TDRD9: variants seen among roughly 807,000 people sequenced by gnomAD.
The protein encoded by TDRD9 is ATP-dependent RNA helicase TDRD9.
TDRD9 carries 124 observed loss-of-function variants against 172.6 expected under a neutral mutation model. The ratio of observed to expected loss-of-function variants is 0.72; its 90% CI spans 0.62 to 0.83. The LOEUF (loss-of-function observed/expected upper bound fraction) is 0.83, where lower values mean the gene tolerates loss of function less well. Ranked by LOEUF, TDRD9 falls within the 40% of genes least tolerant of loss-of-function variation. The pLI is 0.00. For synonymous variants in TDRD9, 619 were observed against 617.1 expected (o/e 1.00, Z -0.05); for missense variants, 1,479 against 1,714.1 (o/e 0.86, Z 2.42).
chr14:103,969,515 AC>A (rs779470286), intron 5 of TDRD9, among the ~76,000 whole-genome samples: 41 of 152,314 alleles, frequency 2.7e-4, no homozygotes, highest in Admixed American at 1.0e-3. Context: ...CCTTTTAGCT[AC>A]TGATTTTTGT....
intron 9 of TDRD9, among the ~76,000 whole-genome samples, chr14:103,992,706 G>C (rs1278720608): frequency 6.6e-6 from 1 of 151,984 alleles, no homozygotes; most frequent in East Asian, 1.9e-4. Context: ...GGTGGATCAC[G>C]AGGTCAGGAG....
chr14:104,047,014 T>C (rs960877588), intron 34 of TDRD9, among the ~76,000 whole-genome samples: 3 of 152,236 alleles, frequency 2.0e-5, no homozygotes, highest in Admixed American at 6.5e-5. Flanking sequence ...TTGGATCAGC[T>C]TGTCAGTTTG....
intron 8 of TDRD9, among the ~76,000 whole-genome samples, chr14:103,987,154 A>T (rs2033699656): frequency 6.6e-6 from 1 of 151,670 alleles, no homozygotes; most frequent in Admixed American, 6.6e-5. Flanking sequence ...ACACACACAC[A>T]CACACACACC....
chr14:104,045,768 G>A (rs2035755320), intron 34 of TDRD9, among the ~76,000 whole-genome samples: 1 of 152,178 alleles, frequency 6.6e-6, no homozygotes, highest in Non-Finnish European at 1.5e-5. Flanking sequence ...CTGCCCCGGT[G>A]CCTCTTCCTG....
At position 104,031,236 on chromosome 14, in the gene TDRD9, C is replaced by G; in HGVS notation, c.3411C>G (p.Thr1137=). 1 of 1,551,664 alleles carries G rather than the reference C, an allele frequency of 6.4e-7. No homozygotes were observed. The highest frequency in any genetic ancestry group is 8.7e-7 in the Non-Finnish European group (1 of 1,146,910). Residue 1137 remains threonine, a synonymous_variant, in exon 29 of 36, where the codon ACC becomes ACG. Coordinates refer to ENST00000409874, the MANE Select transcript of TDRD9 (RefSeq NM_153046.3). ...GGATTTTGTTAGAGAGCTTTTCTACCAATAAACTGGGTACTCCAAACTGTA... is the reference window on the plus strand; with the variant it reads ...GGATTTTGTTAGAGAGCTTTTCTACGAATAAACTGGGTACTCCAAACTGTA... ...LIRILLESFS[T]NKLGTPNCKA...
intron 8 of TDRD9, among the ~76,000 whole-genome samples, chr14:103,987,176 C>G (rs745679933): frequency 1.3e-5 from 2 of 150,880 alleles, no homozygotes; most frequent in Admixed American, 1.3e-4. Flanking sequence ...TATGATTGAG[C>G]CTTTACAGCA....
Position 103,963,182 on chromosome 14 carries a change from A to G in TDRD9, c.420+6A>G. 1 of 1,538,976 alleles carries G rather than the reference A, an allele frequency of 6.5e-7. No individual in the cohort carries two copies. Among genetic ancestry groups the G allele is most frequent in the Non-Finnish European group, 8.8e-7 (1 of 1,139,222 alleles). Reference sequence around the variant, plus strand: ...TAAGTCGATACAAGGAAGAGGTAAAATTGTTTTGTTATACTGTAATTTTGC... The same window carrying G: ...TAAGTCGATACAAGGAAGAGGTAAAGTTGTTTTGTTATACTGTAATTTTGC... On this transcript the variant is annotated splice_donor_region_variant and intron_variant, in intron 3 of 35. Transcript: ENST00000409874.
chr14:104,045,916 C>T (rs1946467095), intron 34 of TDRD9, among the ~76,000 whole-genome samples: 1 of 152,206 alleles, frequency 6.6e-6, no homozygotes, highest in South Asian at 2.1e-4. Flanking sequence ...GTGACCCACT[C>T]TCTGGTCTTC....
intron 22 of TDRD9, among the ~76,000 whole-genome samples, chr14:104,016,660 A>G (rs1339765075): frequency 1.3e-5 from 2 of 152,210 alleles, no homozygotes; most frequent in Non-Finnish European, 2.9e-5. Context: ...TGACCATTGA[A>G]TCAGCGTTTG....
At chr14:104,037,996 C>A (rs971765731) in intron 32 of TDRD9, among the ~76,000 whole-genome samples, 1 of 152,212 alleles carries the variant, frequency 6.6e-6, no homozygotes. Context: ...GAGCCTGGCA[C>A]CTCCAGGATG....
chr14:104,036,547 C>G (rs1446397811), intron 32 of TDRD9, among the ~76,000 whole-genome samples: 2 of 152,086 alleles, frequency 1.3e-5, no homozygotes, highest in Non-Finnish European at 2.9e-5. Context: ...CTTTGGACGC[C>G]CTGCTTGCCT....
intron 34 of TDRD9, among the ~76,000 whole-genome samples, chr14:104,045,996 G>A (rs982457319): frequency 2.6e-5 from 4 of 152,246 alleles, no homozygotes; most frequent in South Asian, 2.1e-4. Context: ...TTGCTCTGTC[G>A]CCCAGGCTGG....
In TDRD9 at chr14:104,011,048, A is replaced by G. The variant is rs560543502; in HGVS notation, c.2106+2582A>G. Among the ~76,000 whole-genome samples the G allele has an allele frequency of 2.6e-5, 4 of 152,330 alleles. No homozygotes were observed. In the South Asian group the frequency reaches 8.3e-4, roughly 32 times the overall value. On this transcript the variant is annotated intron_variant, in intron 20 of 35. Coordinates refer to ENST00000409874, the MANE Select transcript of TDRD9 (RefSeq NM_153046.3). ...GACACGTGAGTAAACGTGTTGCCCT[A>G]CAACAGCTATGACGTGACCAGGCAA...
rs1345722577 is a variant in TDRD9 at position 103,948,387 on chromosome 14, G to C, written c.216-7277G>C. ...GGAGAAATTGGAACCCCTGTGTACT[G>C]TTGGTGAGAATGTAAAATGGTGGGG... On this transcript the variant is annotated intron_variant, in intron 1 of 35. Transcript: ENST00000409874. Among the ~76,000 whole-genome samples the C allele has an allele frequency of 5.9e-5, 9 of 152,250 alleles. No individual in the cohort carries two copies. In the East Asian group the frequency reaches 1.7e-3, roughly 29 times the overall value.
At chr14:103,929,109 G>C (rs747611452) in intron 1 of TDRD9, among the ~76,000 whole-genome samples, 27 of 151,946 alleles carry the variant, frequency 1.8e-4, no homozygotes, top group Non-Finnish European at 3.2e-4. Flanking sequence ...GCATCGCTGC[G>C]TCTTCGTCAC....
At chr14:103,955,607 C>A (rs74369471) in intron 1 of TDRD9, 57 bp from the exon 2 acceptor site, 36,111 of 1,378,496 alleles carry the variant, frequency 0.026, 619 homozygotes, top group East Asian at 0.062. Context: ...TTGTCTAGTA[C>A]ACAAGGGTTT....
In TDRD9 at chr14:103,997,046, C is replaced by T. The variant is rs552239588; in HGVS notation, c.1378+1239C>T. Reference sequence around the variant, plus strand: ...AAGGGGAAACGAGCCAGAAGAGAGGCCTGGGGGTAGCAGGGGCCATGCAGG... The same window carrying T: ...AAGGGGAAACGAGCCAGAAGAGAGGTCTGGGGGTAGCAGGGGCCATGCAGG... On this transcript the variant is annotated intron_variant, in intron 12 of 35. Coordinates refer to ENST00000409874, the MANE Select transcript of TDRD9 (RefSeq NM_153046.3). The surrounding 1 kb of genome is among the most constrained non-coding windows in gnomAD (Gnocchi z 5.1). Among the ~76,000 whole-genome samples the T allele has an allele frequency of 6.6e-6, 1 of 152,290 alleles. No individual in the cohort carries two copies. The highest frequency in any genetic ancestry group is 2.1e-4 in the South Asian group (1 of 4,832).
chr14:104,039,683 G>A (rs776961463), intron 32 of TDRD9, among the ~76,000 whole-genome samples: 9 of 152,202 alleles, frequency 5.9e-5, no homozygotes, highest in Admixed American at 5.9e-4. Flanking sequence ...GTGACAGGAC[G>A]TGCCAGTGGT....
chr14:104,021,023 C>T (rs1180804242), intron 23 of TDRD9, among the ~76,000 whole-genome samples: 1 of 151,972 alleles, frequency 6.6e-6, no homozygotes, highest in Admixed American at 6.6e-5. Flanking sequence ...AAAGAAATAC[C>T]TGAAACTGGG....
Sources: allele counts gnomAD v4.1 joint callset (sites outside exome capture counted in the v4.1 genomes callset), GRCh38; gene constraint gnomAD v4.1.1; non-coding constraint Gnocchi (gnomAD v3.1); transcripts MANE v1.5; gene names NCBI Gene and HGNC (gene_info 2026-07-23, HGNC 2026-07-21).